Variants in GRM7 observed in about 807,000 individuals in gnomAD.
GRM7 encodes glutamate metabotropic receptor 7.
In GRM7, 35 loss-of-function variants were observed where a neutral mutation model predicts 84.5. The ratio of observed to expected loss-of-function variants is 0.41; its 90% CI spans 0.32 to 0.55. The LOEUF is 0.55. Among genes scored for constraint, GRM7 ranks in the 20% least tolerant of loss-of-function variants. The pLI is 0.19. For synonymous variants in GRM7, 487 were observed against 455.1 expected (o/e 1.07, Z -0.89); for missense variants, 1,003 against 1,194.6 (o/e 0.84, Z 2.36).
intron 9 of GRM7, among the ~76,000 whole-genome samples, chr3:7,684,075 C>CA (rs1429294660): frequency 2.0e-5 from 3 of 151,988 alleles, no homozygotes; most frequent in African/African-American, 7.2e-5. Flanking sequence ...CGCAGCAATG[C>CA]AAAAATGCAT....
chr3:7,358,242 G>A (rs1054843583), intron 4 of GRM7, among the ~76,000 whole-genome samples: 1 of 152,116 alleles, frequency 6.6e-6, no homozygotes, highest in African/African-American at 2.4e-5. Context: ...AATTATGATT[G>A]TAGAGTCCAA....
chr3:7,352,559 A>G (rs1057288047), intron 4 of GRM7, among the ~76,000 whole-genome samples: 8 of 152,098 alleles, frequency 5.3e-5, no homozygotes, highest in Non-Finnish European at 1.0e-4. Flanking sequence ...TCATCATGCA[A>G]TTGGCTGATT....
At chr3:7,114,995 A>G (rs17046796) in intron 1 of GRM7, among the ~76,000 whole-genome samples, 6,763 of 152,208 alleles carry the variant, frequency 0.044, 484 homozygotes, top group African/African-American at 0.15. Flanking sequence ...GAAAGGCACT[A>G]TTTGACAAAA....
At chr3:7,149,802 G>A (rs1033727300) in intron 2 of GRM7, among the ~76,000 whole-genome samples, 1 of 152,074 alleles carries the variant, frequency 6.6e-6, no homozygotes, top group Non-Finnish European at 1.5e-5. Flanking sequence ...TGGTGCATGG[G>A]GAAGCATTTA....
chr3:7,669,864 C>G (rs1699850310), intron 8 of GRM7, among the ~76,000 whole-genome samples: 1 of 151,916 alleles, frequency 6.6e-6, no homozygotes, highest in African/African-American at 2.4e-5. Context: ...AAAGCTCTCA[C>G]TGTTCCATTT....
At chr3:6,987,038 T>C (rs12636457) in intron 1 of GRM7, among the ~76,000 whole-genome samples, 14,101 of 152,270 alleles carry the variant, frequency 0.093, 955 homozygotes, top group East Asian at 0.22. Flanking sequence ...TAGTTCTACC[T>C]ACTGCTCTTC....
intron 1 of GRM7, among the ~76,000 whole-genome samples, chr3:6,981,786 C>CA (rs200539138): frequency 0.014 from 2,180 of 151,804 alleles, 55 homozygotes; most frequent in African/African-American, 0.05. Flanking sequence ...ATTAGAACAT[C>CA]AAAAAAACAA....
At chr3:7,624,427 C>T (rs904028291) in intron 8 of GRM7, among the ~76,000 whole-genome samples, 3 of 152,126 alleles carry the variant, frequency 2.0e-5, no homozygotes, top group African/African-American at 7.2e-5. Flanking sequence ...TTACATTTGA[C>T]TTTGCGTTAA....
chr3:7,372,942 G>A (rs1040217209), intron 4 of GRM7, among the ~76,000 whole-genome samples: 8 of 151,986 alleles, frequency 5.3e-5, no homozygotes, highest in Admixed American at 1.3e-4. Context: ...CTTGAAAAAC[G>A]AGAAACCTCA....
rs538876737 is a variant in GRM7, at chr3:7,237,412, C to G, written c.737-61272C>G. Among the ~76,000 whole-genome samples the G allele has an allele frequency of 2.0e-5, 3 of 152,228 alleles. No homozygotes were observed. In the East Asian group the frequency reaches 5.8e-4, roughly 29 times the overall value. ...GAAATAACACCAAACCCCATGTCTTCCCTTTAAAATCTGGGTATCCAGAAT... is the reference window on the plus strand; with the variant it reads ...GAAATAACACCAAACCCCATGTCTTGCCTTTAAAATCTGGGTATCCAGAAT... On this transcript the variant is annotated intron_variant, in intron 2 of 9. Coordinates refer to ENST00000357716, the MANE Select transcript of GRM7 (RefSeq NM_000844.4).
intron 9 of GRM7, among the ~76,000 whole-genome samples, chr3:7,739,292 G>C (rs1037392888): frequency 1.3e-5 from 2 of 152,118 alleles, no homozygotes; most frequent in Non-Finnish European, 2.9e-5. Context: ...CTCTCAGTAT[G>C]TTAATATGAC....
intron 1 of GRM7, among the ~76,000 whole-genome samples, chr3:7,142,682 A>G (rs912713060): frequency 6.6e-6 from 1 of 152,184 alleles, no homozygotes; most frequent in African/African-American, 2.4e-5. Flanking sequence ...ATAACCAAAT[A>G]TACACACAAA....
At chr3:7,061,796 T>C (rs1459524586) in intron 1 of GRM7, among the ~76,000 whole-genome samples, 1 of 151,800 alleles carries the variant, frequency 6.6e-6, no homozygotes, top group African/African-American at 2.4e-5. Context: ...GGTTCTATCA[T>C]TGAGTTTTAA....
intron 7 of GRM7, among the ~76,000 whole-genome samples, chr3:7,472,142 C>T (rs955011809): frequency 2.0e-5 from 3 of 152,176 alleles, no homozygotes. Flanking sequence ...GTGATCTCTG[C>T]ACACACTGGC....
rs1698512010 is a variant in GRM7, at chr3:7,644,204, ATGTCTG to A, written c.2452-35843_2452-35838del. Among the ~76,000 whole-genome samples, 72 of 145,262 alleles carry A rather than the reference ATGTCTG, an allele frequency of 5.0e-4. 2 individuals carry two copies. Among genetic ancestry groups the A allele is most frequent in the Middle Eastern group, 3.5e-3 (1 of 286 alleles). On this transcript the variant is annotated intron_variant, in intron 8 of 9. Coordinates refer to ENST00000357716, the MANE Select transcript of GRM7 (RefSeq NM_000844.4). ...TATATATGTCTGTACGTATATATAT[ATGTCTG>A]TACATATATATGTGTGTGTCTGTAC...
At chr3:7,056,017 TCA>T (rs906746503) in intron 1 of GRM7, among the ~76,000 whole-genome samples, 9 of 152,056 alleles carry the variant, frequency 5.9e-5, no homozygotes, top group Admixed American at 5.2e-4. Flanking sequence ...GCTTACAAAT[TCA>T]CAGTTTATTG....
intron 2 of GRM7, among the ~76,000 whole-genome samples, chr3:7,298,079 A>T (rs551163326): frequency 6.6e-6 from 1 of 152,338 alleles, no homozygotes; most frequent in East Asian, 1.9e-4. Flanking sequence ...AGAAGACTAA[A>T]TGAGGTAACA....
chr3:7,493,099 A>G (rs1699581021), intron 7 of GRM7, among the ~76,000 whole-genome samples: 1 of 152,060 alleles, frequency 6.6e-6, no homozygotes, highest in Admixed American at 6.6e-5. Flanking sequence ...ATGTTCTATC[A>G]TGGTGAATGT....
intron 6 of GRM7, 51 bp from the exon 7 acceptor site, chr3:7,461,532 T>A (rs572072064): frequency 5.1e-5 from 75 of 1,472,514 alleles, no homozygotes; most frequent in Non-Finnish European, 5.8e-5. Flanking sequence ...ACAAGAGATA[T>A]AAGGAATCTT....
Sources: allele counts gnomAD v4.1 joint callset (sites outside exome capture counted in the v4.1 genomes callset), GRCh38; gene constraint gnomAD v4.1.1; transcripts MANE v1.5; gene names NCBI Gene and HGNC (gene_info 2026-07-23, HGNC 2026-07-21).